The following ATF7IP variants were observed in gnomAD, a reference collection of about 807,000 sequenced individuals.
ATF7IP encodes the protein activating transcription factor 7-interacting protein 1.
Under a neutral mutation model 106.4 loss-of-function variants are expected in ATF7IP, and 23 were observed. The observed-to-expected ratio is 0.22, with a 90% CI of 0.16 to 0.31. The LOEUF is 0.31. ATF7IP is among the 10% of genes least tolerant of loss of function. ATF7IP has a pLI of 1.00. For synonymous variants in ATF7IP, 542 were observed against 539.0 expected, an observed-to-expected ratio of 1.01 and a Z score of -0.08; for missense variants, 1,334 against 1,524.3, an observed-to-expected ratio of 0.88 and a Z score of 2.08.
chr12:14,461,169 A>G, intron 9 of ATF7IP, 36 bp downstream of exon 9: 1 of 1,578,822 alleles, frequency 6.3e-7, no homozygotes, highest in Non-Finnish European at 8.6e-7. Context: ...TAGAAATGCA[A>G]GCATCTTAAT....
chr12:14,490,009 C>T (rs976862304), intron 13 of ATF7IP, among the ~76,000 whole-genome samples: 19 of 152,174 alleles, frequency 1.2e-4, no homozygotes, highest in Admixed American at 3.9e-4. Context: ...CTGATCACCC[C>T]GAGGAATGGC....
In ATF7IP at chr12:14,424,750, C is replaced by G. The variant is rs1199900931; in HGVS notation, c.835C>G (p.Leu279Val). ...CACTGGTGAACTGGCCTCTGATGAG[C>G]TGACTTCTGAATCAACCTTTGATCG... ...LATGELASDE[L>V]TSESTFDRTF... Residue 279 changes from leucine (L) to valine (V), a missense_variant, in exon 2 of 15, where the codon CTG becomes GTG. This residue lies in a region of ATF7IP where 438 missense variants were observed against 405.3 expected (regional missense o/e 1.08). Transcript: ENST00000261168. 2 of 1,614,114 alleles carry G rather than the reference C, an allele frequency of 1.2e-6. No homozygotes were observed. Among genetic ancestry groups the G allele is most frequent in the East Asian group, 2.2e-5 (1 of 44,888 alleles).
intron 1 of ATF7IP, among the ~76,000 whole-genome samples, chr12:14,377,828 G>A (rs550273909): frequency 5.5e-4 from 83 of 151,604 alleles, no homozygotes; most frequent in African/African-American, 1.6e-3. Flanking sequence ...TGGTCAGGCT[G>A]GTCTCGAGCT....
At chr12:14,439,998 T>G (rs1194622876) in intron 5 of ATF7IP, among the ~76,000 whole-genome samples, 1 of 152,226 alleles carries the variant, frequency 6.6e-6, no homozygotes, top group Non-Finnish European at 1.5e-5. Flanking sequence ...TGAATCTTTC[T>G]AACACCAAGC....
At chr12:14,378,443 G>A (rs1363874952) in intron 1 of ATF7IP, among the ~76,000 whole-genome samples, 1 of 152,106 alleles carries the variant, frequency 6.6e-6, no homozygotes, top group African/African-American at 2.4e-5. Context: ...AATGTTTTTG[G>A]TGGCTTCTTT....
intron 1 of ATF7IP, among the ~76,000 whole-genome samples, chr12:14,409,962 G>A (rs1389668123): frequency 6.6e-6 from 1 of 152,056 alleles, no homozygotes; most frequent in Non-Finnish European, 1.5e-5. Context: ...TCATCTGTTT[G>A]AGTGTATAAT....
intron 1 of ATF7IP, among the ~76,000 whole-genome samples, chr12:14,388,104 C>T (rs142691697): frequency 0.017 from 2,630 of 151,216 alleles, 84 homozygotes; most frequent in African/African-American, 0.061. Context: ...CCCTCTGCCT[C>T]CTGGGTTCAA....
chr12:14,417,579 A>C (rs1272143260), intron 1 of ATF7IP, among the ~76,000 whole-genome samples: 1 of 152,132 alleles, frequency 6.6e-6, no homozygotes, highest in African/African-American at 2.4e-5. Flanking sequence ...ATAGAAAAAT[A>C]TGTTCTTACG....
At chr12:14,469,485 G>A (rs1473235470) in intron 10 of ATF7IP, among the ~76,000 whole-genome samples, 1 of 151,368 alleles carries the variant, frequency 6.6e-6, no homozygotes, top group Non-Finnish European at 1.5e-5. Flanking sequence ...AGATTTATCT[G>A]ATATCCCCAA....
intron 13 of ATF7IP, among the ~76,000 whole-genome samples, chr12:14,494,332 T>TATATATATATATATTC (rs1158646205): frequency 8.6e-6 from 1 of 115,762 alleles, no homozygotes; most frequent in Non-Finnish European, 1.8e-5. Context: ...TATATATATA[T>TATATATATATATATTC]ATGTGTGTGT....
intron 1 of ATF7IP, among the ~76,000 whole-genome samples, chr12:14,378,857 T>C (rs550240781): frequency 3.8e-4 from 58 of 152,318 alleles, no homozygotes; most frequent in African/African-American, 1.4e-3. Context: ...CAGTTACTAA[T>C]AATCTTTGAT....
chr12:14,371,495 G>C (rs933648483), intron 1 of ATF7IP, among the ~76,000 whole-genome samples: 4 of 151,964 alleles, frequency 2.6e-5, no homozygotes, highest in African/African-American at 7.2e-5. Context: ...ATTATACTTG[G>C]TTTCTAGACT....
chr12:14,444,495 T>C (rs899666055), intron 5 of ATF7IP, among the ~76,000 whole-genome samples: 3 of 151,734 alleles, frequency 2.0e-5, no homozygotes, highest in African/African-American at 7.2e-5. Context: ...ATATCACTTT[T>C]CTGGAGTTAC....
chr12:14,468,584 T>C (rs572241323), intron 10 of ATF7IP, among the ~76,000 whole-genome samples: 40 of 152,100 alleles, frequency 2.6e-4, no homozygotes, highest in Non-Finnish European at 4.4e-4. Context: ...TCAATAGATA[T>C]TTTATTTGGC....
chr12:14,398,781 CT>C (rs1464274924), intron 1 of ATF7IP, among the ~76,000 whole-genome samples: 2 of 151,584 alleles, frequency 1.3e-5, no homozygotes, highest in South Asian at 2.1e-4. Context: ...AACTTGAATT[CT>C]TTTTTATATG....
intron 6 of ATF7IP, among the ~76,000 whole-genome samples, chr12:14,456,076 A>G (rs1464749947): frequency 6.6e-6 from 1 of 152,220 alleles, no homozygotes; most frequent in East Asian, 1.9e-4. Flanking sequence ...AGTGGTAGGT[A>G]GTATTTTTTT....
chr12:14,450,477 A>G (rs1416565686), intron 6 of ATF7IP, among the ~76,000 whole-genome samples: 1 of 152,118 alleles, frequency 6.6e-6, no homozygotes, highest in Non-Finnish European at 1.5e-5. Flanking sequence ...ATTGATTTTT[A>G]TATCTTGACC....
intron 13 of ATF7IP, chr12:14,482,340 T>G (rs968386549): frequency 1.9e-5 from 3 of 159,930 alleles, no homozygotes; most frequent in Non-Finnish European, 4.0e-5. Context: ...ACTTACATGA[T>G]CACAAGGTCC....
intron 1 of ATF7IP, among the ~76,000 whole-genome samples, chr12:14,388,509 G>A (rs1939371285): frequency 6.6e-6 from 1 of 151,824 alleles, no homozygotes; most frequent in Non-Finnish European, 1.5e-5. Context: ...ACCACGCCCG[G>A]CTAATTTTTG....
Sources: allele counts gnomAD v4.1 joint callset (sites outside exome capture counted in the v4.1 genomes callset), GRCh38; gene constraint gnomAD v4.1.1; regional missense constraint gnomAD v4.1.1; transcripts MANE v1.5; gene names NCBI Gene and HGNC (gene_info 2026-07-23, HGNC 2026-07-21).